LRP1B: variants seen among roughly 807,000 people sequenced by gnomAD.
LRP1B encodes low-density lipoprotein receptor-related protein 1B.
Under a neutral mutation model 556.6 loss-of-function variants are expected in LRP1B, and 217 were observed. The observed-to-expected ratio is 0.39, with a 90% CI of 0.35 to 0.44. The LOEUF (loss-of-function observed/expected upper bound fraction) is 0.44. LRP1B is among the 20% of genes least tolerant of loss of function. The pLI is 1.00. For synonymous variants in LRP1B, 2,047 were observed against 1,865.8 expected, an observed-to-expected ratio of 1.10 and a Z score of -2.50; for missense variants, 5,053 against 5,620.8, an observed-to-expected ratio of 0.90 and a Z score of 3.23.
intron 49 of LRP1B, among the ~76,000 whole-genome samples, chr2:140,524,600 T>C (rs1310099787): frequency 1.3e-5 from 2 of 151,928 alleles, no homozygotes; most frequent in Non-Finnish European, 2.9e-5. Flanking sequence ...ACATACACCA[T>C]GGAATTCTAT....
chr2:141,673,622 C>T (rs555577964), intron 2 of LRP1B, among the ~76,000 whole-genome samples: 14 of 152,094 alleles, frequency 9.2e-5, no homozygotes, highest in South Asian at 2.1e-4. Context: ...CATTTTTTCA[C>T]GGTTGTATAA....
chr2:141,374,014 G>C (rs1689337148), intron 3 of LRP1B, among the ~76,000 whole-genome samples: 1 of 151,998 alleles, frequency 6.6e-6, no homozygotes, highest in African/African-American at 2.4e-5. Context: ...ACATGTTTAA[G>C]ATCCTTTTGA....
At chr2:140,343,013 G>T (rs1331540917) in intron 77 of LRP1B, among the ~76,000 whole-genome samples, 1 of 148,538 alleles carries the variant, frequency 6.7e-6, no homozygotes, top group African/African-American at 2.5e-5. Flanking sequence ...AATTTTTTTT[G>T]TGTGTGGGGT....
intron 3 of LRP1B, among the ~76,000 whole-genome samples, chr2:141,461,455 T>A (rs1015279499): frequency 3.9e-5 from 6 of 152,160 alleles, no homozygotes; most frequent in Non-Finnish European, 8.8e-5. Context: ...TGAATGAAAG[T>A]GAAGAAATAG....
intron 41 of LRP1B, among the ~76,000 whole-genome samples, chr2:140,673,925 T>A (rs1228795861): frequency 2.7e-5 from 4 of 150,910 alleles, no homozygotes; most frequent in Non-Finnish European, 2.9e-5. Context: ...TACCCCGAAA[T>A]ATATCTCTTT....
intron 3 of LRP1B, among the ~76,000 whole-genome samples, chr2:141,286,324 G>C (rs887634447): frequency 5.3e-5 from 8 of 151,856 alleles, no homozygotes; most frequent in Non-Finnish European, 2.9e-5. Flanking sequence ...ATTATAATGT[G>C]TTACCTTCCT....
intron 2 of LRP1B, among the ~76,000 whole-genome samples, chr2:141,525,973 T>C (rs1372720843): frequency 6.6e-6 from 1 of 152,070 alleles, no homozygotes; most frequent in South Asian, 2.1e-4. Flanking sequence ...TACTAAGTCA[T>C]TTAATCTTCA....
chr2:141,740,564 A>G (rs978168107), intron 2 of LRP1B, among the ~76,000 whole-genome samples: 1 of 152,176 alleles, frequency 6.6e-6, no homozygotes, highest in East Asian at 1.9e-4. Flanking sequence ...CATTACCTCA[A>G]GAATTCATCC....
intron 79 of LRP1B, among the ~76,000 whole-genome samples, chr2:140,330,216 A>C (rs867212870): frequency 7.1e-5 from 10 of 140,734 alleles, no homozygotes; most frequent in African/African-American, 1.3e-4. Flanking sequence ...AATAATAATA[A>C]TAATAATAAT....
At chr2:141,217,300 C>T (rs1158382712) in intron 6 of LRP1B, among the ~76,000 whole-genome samples, 1 of 152,060 alleles carries the variant, frequency 6.6e-6, no homozygotes, top group Non-Finnish European at 1.5e-5. Context: ...GGTTCATTTT[C>T]TCATCTATAA....
chr2:140,753,913 A>T (rs169638), intron 35 of LRP1B, among the ~76,000 whole-genome samples: 49,880 of 151,970 alleles, frequency 0.33, 8,329 homozygotes, highest in South Asian at 0.4. Context: ...TCCTGTACTC[A>T]TAGGGGGAAG....
At chr2:141,264,923 T>C (rs923024962) in intron 3 of LRP1B, among the ~76,000 whole-genome samples, 17 of 152,136 alleles carry the variant, frequency 1.1e-4, no homozygotes, top group African/African-American at 3.9e-4. Context: ...TTGGAAGAGC[T>C]GTCTTGGAGG....
chr2:140,326,540 C>A (rs1680487567), intron 79 of LRP1B, among the ~76,000 whole-genome samples: 1 of 151,924 alleles, frequency 6.6e-6, no homozygotes, highest in Non-Finnish European at 1.5e-5. Context: ...CATGGTGAAA[C>A]CCTGTCTCTA....
intron 7 of LRP1B, among the ~76,000 whole-genome samples, chr2:141,079,237 C>T (rs961549183): frequency 6.6e-6 from 1 of 152,074 alleles, no homozygotes; most frequent in African/African-American, 2.4e-5. Flanking sequence ...GTAAGAGCTC[C>T]GGGAAAAGGA....
chr2:141,629,622 A>G (rs905344879), intron 2 of LRP1B, among the ~76,000 whole-genome samples: 24 of 152,116 alleles, frequency 1.6e-4, no homozygotes, highest in Non-Finnish European at 2.9e-4. Context: ...CTTGCCCTGA[A>G]AACAGTTTCC....
chr2:141,455,107 A>G (rs536218163), intron 3 of LRP1B, among the ~76,000 whole-genome samples: 1 of 152,248 alleles, frequency 6.6e-6, no homozygotes, highest in South Asian at 2.1e-4. Context: ...ATGAATTTAA[A>G]CTGTCTCTTA....
intron 6 of LRP1B, among the ~76,000 whole-genome samples, chr2:141,217,433 T>C (rs1682858748): frequency 6.6e-6 from 1 of 152,160 alleles, no homozygotes; most frequent in African/African-American, 2.4e-5. Context: ...TGTGTAATTA[T>C]TAGACAGTTG....
chr2:141,793,284 T>A (rs997861906), intron 2 of LRP1B, among the ~76,000 whole-genome samples: 2 of 151,978 alleles, frequency 1.3e-5, no homozygotes, highest in African/African-American at 4.8e-5. Flanking sequence ...CAAATGACAA[T>A]GGGTTTTATG....
chr2:140,817,916 A>G (rs908133747), intron 31 of LRP1B, among the ~76,000 whole-genome samples: 1 of 152,182 alleles, frequency 6.6e-6, no homozygotes, highest in African/African-American at 2.4e-5. Flanking sequence ...AATTATCTGG[A>G]AAGTTATTTT....
Sources: gnomAD v4.1 joint callset for allele counts (sites outside exome capture counted in the v4.1 genomes callset) on GRCh38, gnomAD v4.1.1 for gene constraint, MANE v1.5 for transcripts, NCBI Gene and HGNC (gene_info 2026-07-23, HGNC 2026-07-21) for gene names.